The following EDIL3 variants were observed in gnomAD, a reference collection of about 807,000 sequenced individuals.
EDIL3 encodes EGF-like repeat and discoidin I-like domain-containing protein 3.
In EDIL3, 37 loss-of-function variants were observed where a neutral mutation model predicts 67.4. The observed-to-expected ratio is 0.55, with a 90% CI of 0.42 to 0.72. The LOEUF (loss-of-function observed/expected upper bound fraction) is 0.72, where lower values mean the gene tolerates loss of function less well. Ranked by LOEUF, EDIL3 falls within the 30% of genes least tolerant of loss-of-function variation. The pLI, the probability that EDIL3 is intolerant of heterozygous loss-of-function variation, is 0.00. For missense variants in EDIL3, 527 were observed against 586.3 expected (o/e 0.90, Z 1.04); for synonymous variants, 195 against 196.3 (o/e 0.99, Z 0.05).
At chr5:84,367,254 T>C (rs1297246581) in intron 1 of EDIL3, among the ~76,000 whole-genome samples, 2 of 152,024 alleles carry the variant, frequency 1.3e-5, no homozygotes, top group African/African-American at 4.8e-5. Flanking sequence ...TTTTATAAAA[T>C]AAATCTGTTT....
At chr5:84,174,114 A>G (rs539336914) in intron 4 of EDIL3, among the ~76,000 whole-genome samples, 22 of 152,284 alleles carry the variant, frequency 1.4e-4, no homozygotes, top group South Asian at 1.2e-3. Flanking sequence ...AGGAATGCCT[A>G]CTGTGAGGGT....
chr5:84,001,235 G>A (rs1210955247), intron 9 of EDIL3, among the ~76,000 whole-genome samples: 1 of 151,956 alleles, frequency 6.6e-6, no homozygotes, highest in Non-Finnish European at 1.5e-5. Flanking sequence ...TTTTAGTAAA[G>A]ATGAGGTTTC....
chr5:83,999,466 A>C (rs1377755833), intron 9 of EDIL3, among the ~76,000 whole-genome samples: 2 of 152,186 alleles, frequency 1.3e-5, no homozygotes, highest in African/African-American at 4.8e-5. Flanking sequence ...ATAATTCTTA[A>C]ATATCAAGCG....
At chr5:84,081,665 A>G (rs1746971499) in intron 6 of EDIL3, among the ~76,000 whole-genome samples, 1 of 152,238 alleles carries the variant, frequency 6.6e-6, no homozygotes, top group Non-Finnish European at 1.5e-5. Context: ...TAGGTGGCTC[A>G]TGCCAATAAG....
At chr5:84,144,623 C>T (rs1000138947) in intron 4 of EDIL3, among the ~76,000 whole-genome samples, 22 of 151,996 alleles carry the variant, frequency 1.4e-4, no homozygotes, top group Non-Finnish European at 2.9e-4. Flanking sequence ...AGTTATTTTT[C>T]TAAATTAATG....
intron 5 of EDIL3, among the ~76,000 whole-genome samples, chr5:84,119,223 T>TTG (rs1306209671): frequency 6.8e-6 from 1 of 146,926 alleles, no homozygotes; most frequent in Non-Finnish European, 1.5e-5. Flanking sequence ...TTTTTTTTTT[T>TTG]TTTTTTTTTT....
At chr5:84,201,042 T>A (rs1743821015) in intron 3 of EDIL3, among the ~76,000 whole-genome samples, 1 of 152,088 alleles carries the variant, frequency 6.6e-6, no homozygotes, top group Admixed American at 6.6e-5. Flanking sequence ...CAGGTCTTTT[T>A]AAAATTAATG....
chr5:83,976,753 T>G (rs1027094698), intron 9 of EDIL3, among the ~76,000 whole-genome samples: 4 of 151,808 alleles, frequency 2.6e-5, no homozygotes, highest in Non-Finnish European at 5.9e-5. Context: ...TTGTTTATTG[T>G]GCCCTTGCTT....
chr5:84,047,899 T>G (rs1364987951), intron 9 of EDIL3: 1 of 152,420 alleles, frequency 6.6e-6, no homozygotes, highest in Non-Finnish European at 1.5e-5. Flanking sequence ...AAGTTCTTTT[T>G]TCTAATTGGA....
intron 9 of EDIL3, among the ~76,000 whole-genome samples, chr5:83,987,139 C>G (rs1745069743): frequency 6.6e-6 from 1 of 152,224 alleles, no homozygotes; most frequent in African/African-American, 2.4e-5. Flanking sequence ...TAGACTTTCC[C>G]AGGCCTTCCC....
intron 1 of EDIL3, among the ~76,000 whole-genome samples, chr5:84,261,522 C>T (rs1373958): frequency 0.093 from 14,115 of 152,100 alleles, 723 homozygotes; most frequent in Middle Eastern, 0.16. Flanking sequence ...TGATTCTTAC[C>T]TTCATATGTA....
At chr5:84,358,914 T>C (rs535141053) in intron 1 of EDIL3, among the ~76,000 whole-genome samples, 4 of 152,236 alleles carry the variant, frequency 2.6e-5, no homozygotes, top group East Asian at 3.9e-4. Context: ...CCAGCTATCC[T>C]ATGGTTTTAA....
chr5:84,338,947 G>GC, intron 1 of EDIL3, among the ~76,000 whole-genome samples: 1 of 152,116 alleles, frequency 6.6e-6, no homozygotes, highest in Non-Finnish European at 1.5e-5. Flanking sequence ...ATCATTTTGG[G>GC]CTGAGTCCTG....
chr5:84,372,815 G>A (rs1435246122), intron 1 of EDIL3, among the ~76,000 whole-genome samples: 1 of 152,092 alleles, frequency 6.6e-6, no homozygotes, highest in Non-Finnish European at 1.5e-5. Flanking sequence ...CATATTATAT[G>A]TACTTAAAAG....
intron 1 of EDIL3, among the ~76,000 whole-genome samples, chr5:84,320,460 GAGA>G (rs1746612858): frequency 6.6e-6 from 1 of 151,944 alleles, no homozygotes; most frequent in African/African-American, 2.4e-5. Flanking sequence ...GCTCAAGTTT[GAGA>G]AGTATGGCAG....
chr5:84,224,035 T>C (rs1175563252), intron 3 of EDIL3, among the ~76,000 whole-genome samples: 1 of 151,126 alleles, frequency 6.6e-6, no homozygotes, highest in African/African-American at 2.4e-5. Context: ...TTAAAAAAAA[T>C]GACAAAGTAA....
At chr5:84,108,412 A>C (rs1008437706) in intron 5 of EDIL3, among the ~76,000 whole-genome samples, 1 of 152,132 alleles carries the variant, frequency 6.6e-6, no homozygotes, top group Non-Finnish European at 1.5e-5. Flanking sequence ...ATAAATTTAG[A>C]TAATAAGATC....
intron 5 of EDIL3, among the ~76,000 whole-genome samples, chr5:84,133,895 A>T (rs1242255130): frequency 1.3e-5 from 2 of 152,122 alleles, no homozygotes; most frequent in African/African-American, 4.8e-5. Context: ...AAATTATTTA[A>T]ATCAGAAATA....
chr5:83,990,678 C>G (rs770006596), intron 9 of EDIL3, among the ~76,000 whole-genome samples: 1 of 151,530 alleles, frequency 6.6e-6, no homozygotes, highest in Non-Finnish European at 1.5e-5. Flanking sequence ...GTCAGGAGTT[C>G]GAGACCAGCC....
Sources: allele counts gnomAD v4.1 joint callset (sites outside exome capture counted in the v4.1 genomes callset), GRCh38; gene constraint gnomAD v4.1.1; transcripts MANE v1.5; gene names NCBI Gene and HGNC (gene_info 2026-07-23, HGNC 2026-07-21).